Variants in SLC44A3 observed in about 807,000 individuals in gnomAD.
SLC44A3 encodes choline transporter-like protein 3.
In SLC44A3, 74 loss-of-function variants were observed where a neutral mutation model predicts 75.4. The observed-to-expected ratio is 0.98, with a 90% confidence interval of 0.81 to 1.19. The LOEUF is 1.19. Ranked by LOEUF, SLC44A3 falls within the 50% of genes most tolerant of loss-of-function variation. The probability of loss-of-function intolerance (pLI) is 0.00; values close to 1 mark genes in which losing one functional copy is unlikely to be tolerated. For missense variants in SLC44A3, 700 were observed against 778.6 expected, an observed-to-expected ratio of 0.90 and a Z score of 1.20; for synonymous variants, 310 against 296.9, an observed-to-expected ratio of 1.04 and a Z score of -0.45.
chr1:94,887,770 A>T (rs1669748623), intron 12 of SLC44A3, among the ~76,000 whole-genome samples: 1 of 152,048 alleles, frequency 6.6e-6, no homozygotes, highest in Non-Finnish European at 1.5e-5. Flanking sequence ...TGAAGAGAGG[A>T]GGCAGAGACA....
intron 9 of SLC44A3, among the ~76,000 whole-genome samples, chr1:94,856,134 T>A (rs1020202153): frequency 2.6e-5 from 4 of 152,192 alleles, no homozygotes; most frequent in African/African-American, 7.2e-5. Context: ...ACGGTGACCT[T>A]GCTGGCCTCA....
At chr1:94,859,432 G>A (rs1250024337) in intron 10 of SLC44A3, among the ~76,000 whole-genome samples, 1 of 152,196 alleles carries the variant, frequency 6.6e-6, no homozygotes, top group Non-Finnish European at 1.5e-5. Context: ...GGGAGGTGGA[G>A]CAGTGCCCTA....
rs1249528649 is a variant in SLC44A3, at chr1:94,820,469, C to A, written c.18C>A (p.Ala6=). MHCLG[A]EYLVSAEGAP... ...AGCGCACGATGCACTGCCTGGGCGC[C>A]GAGTACCTGGTAAGCGCTCGCAGCC... The change falls in exon 1 of 15, where the codon GCC becomes GCA. Residue 6 remains alanine (A), a synonymous_variant. Transcript: ENST00000271227. 1 of 1,496,316 alleles carries A rather than the reference C, an allele frequency of 6.7e-7. No homozygotes were observed. Among genetic ancestry groups the A allele is most frequent in the Non-Finnish European group, 8.9e-7 (1 of 1,126,752 alleles). 92.7% of individuals were successfully genotyped at this position (1,496,316 alleles called of 1,614,324 possible).
chr1:94,845,586 G>A (rs1664303500), intron 9 of SLC44A3, 122 bp downstream of exon 9: 6 of 883,666 alleles, frequency 6.8e-6, no homozygotes, highest in African/African-American at 5.1e-5. Flanking sequence ...TCTGATGACA[G>A]CAGCGTTGGT....
At chr1:94,827,410 C>T in intron 3 of SLC44A3, 97 bp from the exon 4 acceptor site, 1 of 1,472,286 alleles carries the variant, frequency 6.8e-7, no homozygotes, top group Middle Eastern at 1.8e-4. Context: ...TGGGTGATCC[C>T]TGCATTTGAT....
At chr1:94,847,954 T>C (rs569964125) in intron 9 of SLC44A3, among the ~76,000 whole-genome samples, 4 of 152,180 alleles carry the variant, frequency 2.6e-5, no homozygotes, top group Non-Finnish European at 4.4e-5. Context: ...TTAGGCCGGG[T>C]GCAGTGGCTC....
intron 12 of SLC44A3, among the ~76,000 whole-genome samples, chr1:94,883,540 A>G (rs1281157858): frequency 6.6e-6 from 1 of 152,180 alleles, no homozygotes; most frequent in East Asian, 1.9e-4. Flanking sequence ...ACTTAGATGT[A>G]GAGACTTTCA....
At chr1:94,870,017 A>G (rs74624584) in intron 12 of SLC44A3, among the ~76,000 whole-genome samples, 2 of 152,356 alleles carry the variant, frequency 1.3e-5, no homozygotes, top group African/African-American at 4.8e-5. Flanking sequence ...AGCCTAATCC[A>G]TCTTCACTAA....
chr1:94,867,561 ACCAC>A, intron 12 of SLC44A3, 144 bp downstream of exon 12: 1 of 493,400 alleles, frequency 2.0e-6, no homozygotes, highest in South Asian at 5.8e-5. Context: ...CTCTGTCACA[ACCAC>A]TCAATTCTGC....
Position 94,860,892 on chromosome 1 carries a change from C to T in SLC44A3, c.1238+3392C>T, listed in dbSNP as rs11808091. Among the ~76,000 whole-genome samples, 1,275 of 152,298 alleles carry T rather than the reference C, an allele frequency of 8.4e-3. 16 individuals carry two copies. Among genetic ancestry groups the T allele is most frequent in the African/African-American group, 0.029 (1,208 of 41,544 alleles). On this transcript the variant is annotated intron_variant, in intron 10 of 14. Coordinates refer to ENST00000271227, the MANE Select transcript of SLC44A3 (RefSeq NM_001114106.3). Reference sequence around the variant, plus strand: ...AGGAATTCCCAGGAGGGTAGCTGCGCAGCAGGCGTGGAAAGCGTCCAGTCC... The same window carrying T: ...AGGAATTCCCAGGAGGGTAGCTGCGTAGCAGGCGTGGAAAGCGTCCAGTCC...
chr1:94,832,409 G>A (rs1225671622), intron 5 of SLC44A3, among the ~76,000 whole-genome samples: 1 of 151,902 alleles, frequency 6.6e-6, no homozygotes, highest in Non-Finnish European at 1.5e-5. Flanking sequence ...CATAAAAAGT[G>A]GAAAATGTAA....
chr1:94,891,688 C>T (rs532640449), intron 13 of SLC44A3, among the ~76,000 whole-genome samples: 1 of 152,060 alleles, frequency 6.6e-6, no homozygotes, highest in Non-Finnish European at 1.5e-5. Flanking sequence ...TTTGGGATAC[C>T]GAGGCAGGCA....
intron 10 of SLC44A3, among the ~76,000 whole-genome samples, chr1:94,862,310 T>C (rs1666667486): frequency 6.6e-6 from 1 of 152,180 alleles, no homozygotes; most frequent in African/African-American, 2.4e-5. Flanking sequence ...AGCACAAAAT[T>C]AATTCTCCAT....
At chr1:94,838,851 C>T (rs112030583) in intron 6 of SLC44A3, 137 of 152,274 alleles carry the variant, frequency 9.0e-4, no homozygotes, top group African/African-American at 3.1e-3. Context: ...ACCTAATGTC[C>T]CTGCAAGGAC....
rs557639843 is a variant in SLC44A3 at position 94,874,559 on chromosome 1, A to G, written c.1482+7142A>G. ...ATTATTGCATGAGAAAGGGAGGGAA[A>G]GTTATATAAGGGCACTCAGGCAGCT... On this transcript the variant is annotated intron_variant, in intron 12 of 14. Coordinates refer to ENST00000271227, the MANE Select transcript of SLC44A3 (RefSeq NM_001114106.3). Among the ~76,000 whole-genome samples the G allele has an allele frequency of 5.9e-5, 9 of 152,338 alleles. No individual in the cohort carries two copies. In the South Asian group the frequency reaches 1.9e-3, roughly 32 times the overall value.
Position 94,842,000 on chromosome 1 carries a change from T to C in SLC44A3, c.761T>C (p.Phe254Ser). ...FISLVILGLL[F>S]VCGVLWWLYY... ...GCTCTGCTACTGTTCTCTTTTCTAGTTGTCTGCGGTGTTTTATGGTGGCTG... is the reference window on the plus strand; with the variant it reads ...GCTCTGCTACTGTTCTCTTTTCTAGCTGTCTGCGGTGTTTTATGGTGGCTG... The change falls in exon 8 of 15, where the codon TTT becomes TCT. Residue 254 changes from phenylalanine to serine, a missense_variant and splice_region_variant. Physicochemically the swap from Phe to Ser is radical, Grantham distance 155 (BLOSUM62 -2). Transcript: ENST00000271227. 6.2e-7 allele frequency: 1 copy of C among 1,608,488 alleles called. No individual in the cohort carries two copies. Among genetic ancestry groups the C allele is most frequent in the Non-Finnish European group, 8.5e-7 (1 of 1,178,050 alleles).
At chr1:94,825,940 G>C (rs1271218287) in intron 3 of SLC44A3, 8 of 456,080 alleles carry the variant, frequency 1.8e-5, no homozygotes, top group South Asian at 1.2e-4. Context: ...ATTCCTGGTT[G>C]AAGTGAGTAT....
At chr1:94,875,888 T>C (rs3849308) in intron 12 of SLC44A3, among the ~76,000 whole-genome samples, 52,907 of 152,084 alleles carry the variant, frequency 0.35, 9,380 homozygotes, top group Admixed American at 0.42. Context: ...CTAGGTACAC[T>C]GGAAATATGC....
intron 2 of SLC44A3, among the ~76,000 whole-genome samples, chr1:94,822,788 C>T (rs561346496): frequency 6.6e-5 from 10 of 152,324 alleles, no homozygotes; most frequent in South Asian, 4.1e-4. Flanking sequence ...TTTGCAGGCA[C>T]GGTTGACAGT....
Sources: gnomAD v4.1 joint callset for allele counts (sites outside exome capture counted in the v4.1 genomes callset) on GRCh38, gnomAD v4.1.1 for gene constraint, MANE v1.5 for transcripts, NCBI Gene and HGNC (gene_info 2026-07-23, HGNC 2026-07-21) for gene names.